Variants in PRKG1 observed in about 807,000 individuals in gnomAD.
PRKG1 encodes cGMP-dependent protein kinase 1.
Under a neutral mutation model 88.1 loss-of-function variants are expected in PRKG1, and 35 were observed. The observed-to-expected ratio is 0.40, with a 90% CI of 0.30 to 0.53. PRKG1 has a LOEUF of 0.53. PRKG1 is among the 20% of genes least tolerant of loss of function. The pLI, the probability that PRKG1 is intolerant of heterozygous loss-of-function variation, is 0.59. For missense variants in PRKG1, 540 were observed against 839.8 expected (o/e 0.64, Z 4.41); for synonymous variants, 303 against 292.5 (o/e 1.04, Z -0.37).
intron 4 of PRKG1, among the ~76,000 whole-genome samples, chr10:51,856,978 A>G (rs112896616): frequency 0.25 from 37,772 of 149,968 alleles, 5,653 homozygotes; most frequent in African/African-American, 0.41. Context: ...AAAAAAAGAA[A>G]AAAAAAAAAA....
chr10:51,717,735 G>C (rs1232023095), intron 3 of PRKG1, among the ~76,000 whole-genome samples: 1 of 151,980 alleles, frequency 6.6e-6, no homozygotes, highest in Admixed American at 6.6e-5. Flanking sequence ...AGGAGGCTGA[G>C]GCTGGAGAAT....
intron 1 of PRKG1, among the ~76,000 whole-genome samples, chr10:51,045,981 C>G (rs1843483913): frequency 6.6e-6 from 1 of 152,190 alleles, no homozygotes; most frequent in Non-Finnish European, 1.5e-5. Context: ...CACATAAGCA[C>G]TAAAGCTACT....
chr10:51,326,768 A>G (rs1022182485), intron 2 of PRKG1, among the ~76,000 whole-genome samples: 1 of 152,246 alleles, frequency 6.6e-6, no homozygotes, highest in Non-Finnish European at 1.5e-5. Flanking sequence ...TGGGACACAG[A>G]TTATTTAAGT....
At chr10:51,618,793 G>A (rs1839131836) in intron 3 of PRKG1, among the ~76,000 whole-genome samples, 2 of 151,930 alleles carry the variant, frequency 1.3e-5, no homozygotes, top group African/African-American at 4.8e-5. Context: ...TTTTGAGACA[G>A]AGTCTTGCTC....
chr10:51,935,168 T>A (rs947609347), intron 5 of PRKG1, among the ~76,000 whole-genome samples: 1 of 152,080 alleles, frequency 6.6e-6, no homozygotes, highest in Non-Finnish European at 1.5e-5. Flanking sequence ...AAAGTTGAGT[T>A]GACTGGGAAG....
chr10:51,412,488 C>T (rs1459965277), intron 2 of PRKG1, among the ~76,000 whole-genome samples: 8 of 151,878 alleles, frequency 5.3e-5, no homozygotes, highest in Non-Finnish European at 1.0e-4. Flanking sequence ...ACTAAAGATA[C>T]AAAAAATTAG....
At chr10:51,287,508 C>A (rs1840472924) in intron 2 of PRKG1, among the ~76,000 whole-genome samples, 1 of 152,132 alleles carries the variant, frequency 6.6e-6, no homozygotes, top group Non-Finnish European at 1.5e-5. Flanking sequence ...AGGTCCTGTT[C>A]ACATGGAGCG....
At chr10:51,278,162 A>G (rs1589306441) in intron 2 of PRKG1, among the ~76,000 whole-genome samples, 1 of 152,194 alleles carries the variant, frequency 6.6e-6, no homozygotes, top group African/African-American at 2.4e-5. Flanking sequence ...TTTTAGCATG[A>G]AGGGCTGTTG....
At chr10:51,599,147 A>G (rs1000158261) in intron 3 of PRKG1, among the ~76,000 whole-genome samples, 10 of 152,174 alleles carry the variant, frequency 6.6e-5, no homozygotes, top group African/African-American at 2.4e-4. Context: ...GATAGTATGG[A>G]TGAAACAAGA....
At chr10:51,378,503 T>C (rs1842858599) in intron 2 of PRKG1, among the ~76,000 whole-genome samples, 1 of 152,232 alleles carries the variant, frequency 6.6e-6, no homozygotes, top group Non-Finnish European at 1.5e-5. Context: ...CACTGAGCTC[T>C]GCATTTTTCC....
intron 3 of PRKG1, among the ~76,000 whole-genome samples, chr10:51,706,558 G>C (rs1454869652): frequency 1.3e-5 from 2 of 152,012 alleles, no homozygotes; most frequent in East Asian, 3.9e-4. Context: ...ATGACGCCCA[G>C]GAAAGGAAAG....
At chr10:51,798,599 C>A (rs535825539) in intron 3 of PRKG1, among the ~76,000 whole-genome samples, 17 of 152,014 alleles carry the variant, frequency 1.1e-4, no homozygotes, top group Non-Finnish European at 2.2e-4. Flanking sequence ...TGGGACTCAG[C>A]CTGGTACATT....
chr10:51,260,779 C>T (rs1307354967), intron 2 of PRKG1, among the ~76,000 whole-genome samples: 10 of 152,128 alleles, frequency 6.6e-5, no homozygotes. Flanking sequence ...AATTTTTGGT[C>T]ACCAAGAAAT....
chr10:51,653,867 C>T (rs1589164056), intron 3 of PRKG1, among the ~76,000 whole-genome samples: 1 of 152,170 alleles, frequency 6.6e-6, no homozygotes, highest in Non-Finnish European at 1.5e-5. Flanking sequence ...CACAGCTGGC[C>T]TCTTTGCCTA....
intron 4 of PRKG1, among the ~76,000 whole-genome samples, chr10:51,863,348 C>A (rs1197280305): frequency 6.6e-6 from 1 of 152,196 alleles, no homozygotes; most frequent in Non-Finnish European, 1.5e-5. Flanking sequence ...GGCTCCATTT[C>A]AAAAGTACTT....
chr10:51,443,484 T>G (rs987747802), intron 2 of PRKG1, among the ~76,000 whole-genome samples: 1 of 152,026 alleles, frequency 6.6e-6, no homozygotes, highest in Non-Finnish European at 1.5e-5. Flanking sequence ...TATTCATGAA[T>G]TTTTTCTATT....
chr10:51,218,559 A>G (rs1303287364), intron 2 of PRKG1, among the ~76,000 whole-genome samples: 1 of 144,856 alleles, frequency 6.9e-6, no homozygotes, highest in Admixed American at 6.9e-5. Context: ...ATTTATATAT[A>G]TGTATTTGGC....
intron 3 of PRKG1, among the ~76,000 whole-genome samples, chr10:51,572,034 T>A (rs1837767877): frequency 6.6e-6 from 1 of 151,868 alleles, no homozygotes; most frequent in South Asian, 2.1e-4. Context: ...TCACATTTGT[T>A]GGTTTCTAGC....
chr10:51,410,306 TTAAG>T (rs1163648170), intron 2 of PRKG1, among the ~76,000 whole-genome samples: 12 of 151,350 alleles, frequency 7.9e-5, no homozygotes, highest in African/African-American at 2.4e-4. Flanking sequence ...TTGTATTGTA[TTAAG>T]TATTAATCAC....
Sources: gnomAD v4.1 joint callset for allele counts (sites outside exome capture counted in the v4.1 genomes callset) on GRCh38, gnomAD v4.1.1 for gene constraint, MANE v1.5 for transcripts, NCBI Gene and HGNC (gene_info 2026-07-23, HGNC 2026-07-21) for gene names.